SPTSSB: variants seen among roughly 807,000 people sequenced by gnomAD.
The protein encoded by SPTSSB is serine palmitoyltransferase small subunit B.
In SPTSSB, 6 loss-of-function variants were observed where a neutral mutation model predicts 7.7. That is an observed-to-expected ratio of 0.78 (90% CI 0.43 to 1.54). The LOEUF (loss-of-function observed/expected upper bound fraction) is 1.54, where lower values mean the gene tolerates loss of function less well. Ranked by LOEUF, SPTSSB falls within the 40% of genes most tolerant of loss-of-function variation. The probability of loss-of-function intolerance (pLI) is 0.01; values close to 1 mark genes in which losing one functional copy is unlikely to be tolerated. For synonymous variants in SPTSSB, 28 were observed against 29.7 expected (o/e 0.94, Z 0.19); for missense variants, 91 against 93.0 (o/e 0.98, Z 0.09).
intron 1 of SPTSSB, among the ~76,000 whole-genome samples, chr3:161,360,372 A>C (rs1714956122): frequency 6.6e-6 from 1 of 152,202 alleles, no homozygotes; most frequent in Non-Finnish European, 1.5e-5. Flanking sequence ...TTAAAATCAC[A>C]TTGGATATAG....
chr3:161,359,921 A>C (rs1714937908), intron 1 of SPTSSB, 27 bp from the exon 2 acceptor site: 1 of 375,206 alleles, frequency 2.7e-6, no homozygotes, highest in Non-Finnish European at 3.7e-6. Context: ...TGAATTAAAT[A>C]AACCAAAAGA....
chr3:161,349,291 A>G (rs1314228532), intron 2 of SPTSSB, among the ~76,000 whole-genome samples: 1 of 152,198 alleles, frequency 6.6e-6, no homozygotes, highest in Non-Finnish European at 1.5e-5. Context: ...TGCTAAGAAG[A>G]AGGCTAGAAA....
At chr3:161,355,634 T>A (rs1382181431) in intron 2 of SPTSSB, among the ~76,000 whole-genome samples, 1 of 152,162 alleles carries the variant, frequency 6.6e-6, no homozygotes, top group Non-Finnish European at 1.5e-5. Flanking sequence ...GTATCTAGAG[T>A]AGTCAAACCC....
At chr3:161,368,847 T>C (rs938287542) in intron 1 of SPTSSB, among the ~76,000 whole-genome samples, 2 of 152,278 alleles carry the variant, frequency 1.3e-5, no homozygotes, top group African/African-American at 4.8e-5. Context: ...TCACTTAACG[T>C]AATCTCTTCA....
chr3:161,349,952 A>G (rs336573), intron 2 of SPTSSB, among the ~76,000 whole-genome samples: 13,271 of 152,166 alleles, frequency 0.087, 714 homozygotes, highest in East Asian at 0.24. Context: ...CCTCTCTCAG[A>G]TAGAGAGGGA....
At chr3:161,370,486 C>T (rs1715461280) in intron 1 of SPTSSB, among the ~76,000 whole-genome samples, 1 of 152,146 alleles carries the variant, frequency 6.6e-6, no homozygotes, top group Non-Finnish European at 1.5e-5. Flanking sequence ...AGGAATAATT[C>T]AGATGTGGAA....
At chr3:161,355,360 A>G (rs2108160200) in intron 2 of SPTSSB, among the ~76,000 whole-genome samples, 1 of 152,342 alleles carries the variant, frequency 6.6e-6, no homozygotes, top group Admixed American at 6.5e-5. Flanking sequence ...CAATGGCATT[A>G]AAGCCACCAA....
At chr3:161,347,473 G>T (rs1320829435) in intron 2 of SPTSSB, among the ~76,000 whole-genome samples, 2 of 151,876 alleles carry the variant, frequency 1.3e-5, no homozygotes, top group Non-Finnish European at 2.9e-5. Flanking sequence ...TGTTGGCCAG[G>T]CTGGTCTTGA....
At chr3:161,349,572 A>T (rs1434483935) in intron 2 of SPTSSB, among the ~76,000 whole-genome samples, 1 of 152,256 alleles carries the variant, frequency 6.6e-6, no homozygotes, top group African/African-American at 2.4e-5. Context: ...ATGGAAAAGA[A>T]GGAGAGAGTA....
At chr3:161,367,361 C>T (rs539814256) in intron 1 of SPTSSB, among the ~76,000 whole-genome samples, 1 of 152,258 alleles carries the variant, frequency 6.6e-6, no homozygotes, top group East Asian at 1.9e-4. Flanking sequence ...TAAGCCTGTG[C>T]TGGTGAGAAT....
At chr3:161,369,385 C>CTTTTT (rs71149710) in intron 1 of SPTSSB, among the ~76,000 whole-genome samples, 1 of 29,662 alleles carries the variant, frequency 3.4e-5, no homozygotes, top group African/African-American at 2.0e-4. Flanking sequence ...TCTTTCTTTC[C>CTTTTT]TTTTTTTTTT....
intron 2 of SPTSSB, among the ~76,000 whole-genome samples, chr3:161,347,273 T>A (rs1042918640): frequency 6.6e-6 from 1 of 152,138 alleles, no homozygotes; most frequent in African/African-American, 2.4e-5. Flanking sequence ...TATTTATTTG[T>A]TTTTGAGAGA....
Position 161,345,729 on chromosome 3 carries a change from G to A in SPTSSB, c.*364C>T, listed in dbSNP as rs574293235. The A allele has an allele frequency of 8.8e-5, 16 of 182,258 alleles. No individual in the cohort carries two copies. In the South Asian group the frequency reaches 1.5e-3, roughly 17 times the overall value. The allele number at this position is 182,258 out of a possible 1,614,324, so 11.3% of individuals were successfully genotyped here. A position where few individuals can be genotyped will look rare whatever the true frequency, so the allele number is the denominator to read the frequency against. On this transcript the variant is annotated 3_prime_UTR_variant, in exon 3 of 3. Coordinates refer to ENST00000620149, the MANE Select transcript of SPTSSB (RefSeq NM_001040100.2). ...AAATTTATCCTTTAGTATAGAATAA[G>A]TGTCAAGGGAGCACTTTAAGCATGA...
At chr3:161,362,133 G>A (rs2108165658) in intron 1 of SPTSSB, among the ~76,000 whole-genome samples, 1 of 152,234 alleles carries the variant, frequency 6.6e-6, no homozygotes. Flanking sequence ...AGAAGGGTTA[G>A]TAACTGAACT....
Position 161,345,779 on chromosome 3 carries a change from A to C in SPTSSB, c.*314T>G, listed in dbSNP as rs922629607. 7 of 248,414 alleles carry C rather than the reference A, an allele frequency of 2.8e-5. No individual in the cohort carries two copies. Among genetic ancestry groups the C allele is most frequent in the South Asian group, 2.5e-4 (5 of 19,908 alleles). 15.4% of individuals were successfully genotyped at this position (248,414 alleles called of 1,614,324 possible). ...ATTCTGGTAGGTCTGTTAGGAGTCT[A>C]TTTTCCAGAAAAATTTTGTAGGAAA... On this transcript the variant is annotated 3_prime_UTR_variant, in exon 3 of 3. Transcript: ENST00000620149.
At chr3:161,351,955 G>T (rs1171029705) in intron 2 of SPTSSB, among the ~76,000 whole-genome samples, 2 of 152,194 alleles carry the variant, frequency 1.3e-5, no homozygotes, top group African/African-American at 4.8e-5. Flanking sequence ...GTGGCTAGTG[G>T]TTACCATACT....
At chr3:161,370,277 C>G (rs1000159549) in intron 1 of SPTSSB, among the ~76,000 whole-genome samples, 13 of 151,982 alleles carry the variant, frequency 8.6e-5, no homozygotes, top group African/African-American at 3.1e-4. Flanking sequence ...CAAATCTAGT[C>G]GAATTCTAGA....
chr3:161,356,854 G>T (rs1035259517), intron 2 of SPTSSB, among the ~76,000 whole-genome samples: 1 of 152,030 alleles, frequency 6.6e-6, no homozygotes, highest in Admixed American at 6.5e-5. Flanking sequence ...TGGAGGCTGG[G>T]CGTGGTAATC....
intron 2 of SPTSSB, among the ~76,000 whole-genome samples, chr3:161,357,667 A>C (rs1714831458): frequency 6.6e-6 from 1 of 152,244 alleles, no homozygotes; most frequent in Non-Finnish European, 1.5e-5. Context: ...TCTTGAAAAA[A>C]GAGCATCCTG....
Sources: gnomAD v4.1 joint callset for allele counts (sites outside exome capture counted in the v4.1 genomes callset) on GRCh38, gnomAD v4.1.1 for gene constraint, MANE v1.5 for transcripts, NCBI Gene and HGNC (gene_info 2026-07-23, HGNC 2026-07-21) for gene names.